RP1: variants seen among roughly 807,000 people sequenced by gnomAD.
The protein encoded by RP1 is RP1 axonemal microtubule associated, also known as oxygen-regulated protein 1.
RP1 carries 16 observed loss-of-function variants against 14.8 expected under a neutral mutation model. That is an observed-to-expected ratio of 1.08 (90% CI 0.73 to 1.65). The LOEUF is 1.65. Ranked by LOEUF, RP1 falls within the 40% of genes most tolerant of loss-of-function variation. The pLI, the probability that RP1 is intolerant of heterozygous loss-of-function variation, is 0.00. For missense variants in RP1, 2,631 were observed against 2,535.0 expected, an observed-to-expected ratio of 1.04 and a Z score of -0.81; for synonymous variants, 876 against 883.6, an observed-to-expected ratio of 0.99 and a Z score of 0.15.
intron 7 of RP1, among the ~76,000 whole-genome samples, chr8:54,665,634 A>G (rs1411605280): frequency 6.6e-6 from 1 of 152,172 alleles, no homozygotes; most frequent in Non-Finnish European, 1.5e-5. Context: ...TCCTATTCAG[A>G]CCACACAGTT....
rs1257199027 is a variant in RP1 at position 54,629,144 on chromosome 8, A to T, written c.5262A>T (p.Leu1754=). Residue 1754 remains leucine, a synonymous_variant, in exon 4 of 4, where the codon CTA becomes CTT. Coordinates refer to ENST00000220676, the MANE Select transcript of RP1 (RefSeq NM_006269.2). The part of the protein sequence containing the change: ...GKWLLKENHL[L]RMSSENPGMC... ...GGCTTCTGAAAGAAAATCATTTGCTAAGGATGTCATCTGAAAATCCTGGCA... is the reference window on the plus strand; with the variant it reads ...GGCTTCTGAAAGAAAATCATTTGCTTAGGATGTCATCTGAAAATCCTGGCA... The T allele has an allele frequency of 6.2e-7, 1 of 1,614,026 alleles. No individual in the cohort carries two copies. The highest frequency in any genetic ancestry group is 1.3e-5 in the African/African-American group (1 of 74,942).
intron 9 of RP1, chr8:54,678,628 T>A: frequency 9.8e-7 from 1 of 1,018,294 alleles, no homozygotes; most frequent in Non-Finnish European, 1.4e-6. Flanking sequence ...TAGTTGTTCC[T>A]AGTCACTGAG....
intron 25 of RP1, among the ~76,000 whole-genome samples, chr8:54,840,996 C>A (rs1182668813): frequency 1.3e-5 from 2 of 152,022 alleles, no homozygotes; most frequent in Non-Finnish European, 2.9e-5. Context: ...AACATTAAAA[C>A]AAGAAAATGA....
chr8:54,648,878 T>C (rs1806601325), intron 3 of RP1: 1 of 647,764 alleles, frequency 1.5e-6, no homozygotes, highest in Non-Finnish European at 2.3e-6. Flanking sequence ...AGATGAAGAA[T>C]AAGTTTTGTC....
In RP1 at chr8:54,852,278, A is replaced by T. The variant is rs184364420; in HGVS notation, c.3836-296A>T. 9.6e-3 allele frequency among the ~76,000 whole-genome samples: 1,460 copies of T among 152,142 alleles called. 27 individuals carry two copies. Among genetic ancestry groups the T allele is most frequent in the African/African-American group, 0.033 (1,370 of 41,504 alleles). On this transcript the variant is annotated intron_variant, in intron 25 of 28. Coordinates refer to the RP1 transcript ENST00000637698. ...GAGAGAGGAGAGTTTCTGTTTTTTT[A>T]AAAAAATACATCTTTTCATAATAAC...
At chr8:54,779,707 T>A (rs908845208) in intron 23 of RP1, among the ~76,000 whole-genome samples, 1 of 152,142 alleles carries the variant, frequency 6.6e-6, no homozygotes, top group Admixed American at 6.5e-5. Flanking sequence ...AAGAAAACAT[T>A]GGGAAGGAAA....
At chr8:54,649,274 T>A in intron 4 of RP1, 1 of 754,464 alleles carries the variant, frequency 1.3e-6, no homozygotes, top group Non-Finnish European at 1.8e-6. Flanking sequence ...AAAAATAATT[T>A]ATGGAAGTTT....
intron 24 of RP1, among the ~76,000 whole-genome samples, chr8:54,829,850 G>T (rs2129400744): frequency 6.6e-6 from 1 of 152,190 alleles, no homozygotes; most frequent in Admixed American, 6.5e-5. Flanking sequence ...AGAATTATAT[G>T]AATAGATCAT....
intron 24 of RP1, among the ~76,000 whole-genome samples, chr8:54,828,878 T>G (rs1248747801): frequency 7.8e-6 from 1 of 128,890 alleles, no homozygotes; most frequent in Non-Finnish European, 1.6e-5. Flanking sequence ...TTCTTCTTCT[T>G]CTTCTTTTTT....
rs78613768 is a variant in RP1, at chr8:54,654,629, G to A, written c.1039-1454G>A. Among the ~76,000 whole-genome samples the A allele has an allele frequency of 0.015, 2,342 of 152,228 alleles. 137 individuals are homozygous for A. In the East Asian group the frequency reaches 0.18, roughly 12 times the overall value. ...TGTCTGAGTCTCACAGACCTTAGTA[G>A]GATCAGGTACTGAAAATCTGACTTT... On this transcript the variant is annotated intron_variant, in intron 5 of 22. Coordinates refer to the RP1 transcript ENST00000636932.
chr8:54,608,542 G>T (rs1486209113), intron 1 of RP1, among the ~76,000 whole-genome samples: 1 of 152,066 alleles, frequency 6.6e-6, no homozygotes, highest in East Asian at 1.9e-4. Context: ...ACATATGTTT[G>T]TTCAACATGG....
At chr8:54,593,428 G>C (rs1230654466) in intron 1 of RP1, among the ~76,000 whole-genome samples, 1 of 151,920 alleles carries the variant, frequency 6.6e-6, no homozygotes, top group Non-Finnish European at 1.5e-5. Context: ...TTTTTATCTT[G>C]TCCTTTTCTT....
At chr8:54,843,240 A>T (rs994169518) in intron 25 of RP1, among the ~76,000 whole-genome samples, 3 of 151,928 alleles carry the variant, frequency 2.0e-5, no homozygotes, top group Non-Finnish European at 4.4e-5. Flanking sequence ...GTATGTATGT[A>T]TTTATTTATT....
intron 1 of RP1, among the ~76,000 whole-genome samples, chr8:54,606,486 C>T (rs191494321): frequency 3.3e-5 from 5 of 152,234 alleles, no homozygotes; most frequent in East Asian, 1.9e-4. Context: ...TTTATTCCTT[C>T]ATTTCAACTT....
intron 3 of RP1, among the ~76,000 whole-genome samples, chr8:54,641,154 T>C (rs1806447146): frequency 6.6e-6 from 1 of 151,854 alleles, no homozygotes; most frequent in Non-Finnish European, 1.5e-5. Context: ...ACTGTGTTAG[T>C]CAGGATGGTC....
At chr8:54,710,865 C>T (rs568392990) in intron 15 of RP1, among the ~76,000 whole-genome samples, 1 of 152,150 alleles carries the variant, frequency 6.6e-6, no homozygotes, top group African/African-American at 2.4e-5. Context: ...TTGGAAAAGG[C>T]AACATTCGAC....
intron 1 of RP1, among the ~76,000 whole-genome samples, chr8:54,608,010 A>G (rs956737432): frequency 1.3e-5 from 2 of 150,560 alleles, no homozygotes; most frequent in African/African-American, 2.4e-5. Context: ...GCGATGCCTC[A>G]CCCTGCTTCG....
At chr8:54,867,042 T>A (rs114130259) in intron 28 of RP1, among the ~76,000 whole-genome samples, 1 of 152,170 alleles carries the variant, frequency 6.6e-6, no homozygotes, top group Non-Finnish European at 1.5e-5. Context: ...GAACTTCCAA[T>A]TGATGCTCAA....
At position 54,627,539 on chromosome 8, in the gene RP1, T is replaced by G; in HGVS notation, c.3657T>G (p.Ser1219Arg). The change falls in exon 4 of 4, where the codon AGT (serine) becomes AGG (arginine). Residue 1219 changes from serine (S) to arginine (R), a missense_variant. Physicochemically the swap from Ser to Arg is moderately radical, Grantham distance 110. Coordinates refer to ENST00000220676, the MANE Select transcript of RP1 (RefSeq NM_006269.2). Reference sequence around the variant, plus strand: ...ATTGTTCCACGGTCAACATTCAGAGTGTTCCTAAGTGCAGTGAAAATGAAA... The same window carrying G: ...ATTGTTCCACGGTCAACATTCAGAGGGTTCCTAAGTGCAGTGAAAATGAAA... ...SANCSTVNIQ[S>R]VPKCSENERT... 1 of 1,614,132 alleles carries G rather than the reference T, an allele frequency of 6.2e-7. No individual in the cohort carries two copies. Among genetic ancestry groups the G allele is most frequent in the Non-Finnish European group, 8.5e-7 (1 of 1,179,978 alleles).
Sources: allele counts gnomAD v4.1 joint callset (sites outside exome capture counted in the v4.1 genomes callset), GRCh38; gene constraint gnomAD v4.1.1; transcripts MANE v1.5; gene names NCBI Gene and HGNC (gene_info 2026-07-23, HGNC 2026-07-21).